Variants in SHISA9 observed in about 807,000 individuals in gnomAD.
SHISA9 encodes shisa family member 9, also known as protein shisa-9.
Under a neutral mutation model 38.0 loss-of-function variants are expected in SHISA9, and 13 were observed. The ratio of observed to expected loss-of-function variants is 0.34; its 90% confidence interval spans 0.22 to 0.54. The LOEUF (loss-of-function observed/expected upper bound fraction) is 0.54, where lower values mean the gene tolerates loss of function less well. Among genes scored for constraint, SHISA9 ranks in the 20% least tolerant of loss-of-function variants. The pLI is 0.91. For missense variants in SHISA9, 538 were observed against 575.8 expected (o/e 0.93, Z 0.67); for synonymous variants, 275 against 242.0 (o/e 1.14, Z -1.27).
At chr16:13,203,691 C>G (rs2051029712) in intron 3 of SHISA9, 142 bp downstream of exon 3, 1 of 904,622 alleles carries the variant, frequency 1.1e-6, no homozygotes, top group African/African-American at 1.7e-5. Context: ...TTCTCTGCCT[C>G]TATCTCATTT....
intron 2 of SHISA9, among the ~76,000 whole-genome samples, chr16:12,977,188 T>G (rs562761263): frequency 6.6e-6 from 1 of 152,222 alleles, no homozygotes; most frequent in South Asian, 2.1e-4. Context: ...GGAGGCTCGG[T>G]TGGGCTGGGT....
chr16:13,441,634 TA>T, the SHISA9 span, among the ~76,000 whole-genome samples: 2 of 152,216 alleles, frequency 1.3e-5, no homozygotes, highest in Admixed American at 1.3e-4. Flanking sequence ...GCATGTTTTC[TA>T]TAAGTGATTG....
chr16:13,539,300 T>G, the SHISA9 span, among the ~76,000 whole-genome samples: 1 of 75,170 alleles, frequency 1.3e-5, no homozygotes, highest in East Asian at 1.5e-3. Flanking sequence ...TGGCTAAATT[T>G]TACATATATA....
chr16:13,338,883 G>A, the SHISA9 span, among the ~76,000 whole-genome samples: 9 of 152,174 alleles, frequency 5.9e-5, no homozygotes, highest in South Asian at 6.2e-4. Context: ...TTAGATTTAC[G>A]TTAGACTTGG....
chr16:13,197,880 G>A (rs1010363707), intron 2 of SHISA9, among the ~76,000 whole-genome samples: 5 of 152,126 alleles, frequency 3.3e-5, no homozygotes, highest in Non-Finnish European at 7.4e-5. Flanking sequence ...TGCTATGACT[G>A]TGGAAAAGAA....
chr16:13,055,540 G>C (rs899277893), intron 2 of SHISA9, among the ~76,000 whole-genome samples: 6 of 152,088 alleles, frequency 3.9e-5, no homozygotes, highest in African/African-American at 1.4e-4. Context: ...AAAGTGTCTT[G>C]GCTCTCACAG....
At chr16:13,502,597 G>A in the SHISA9 span, among the ~76,000 whole-genome samples, 3 of 152,062 alleles carry the variant, frequency 2.0e-5, no homozygotes, top group African/African-American at 4.8e-5. Flanking sequence ...AAGACAGGCC[G>A]GGCGCGGTGG....
At chr16:13,393,670 TAA>T in the SHISA9 span, among the ~76,000 whole-genome samples, 1 of 152,048 alleles carries the variant, frequency 6.6e-6, no homozygotes, top group Non-Finnish European at 1.5e-5. Flanking sequence ...GAGAAGTTTA[TAA>T]AAGACTGTGT....
chr16:12,960,037 A>C (rs894989850), intron 2 of SHISA9, among the ~76,000 whole-genome samples: 8 of 152,216 alleles, frequency 5.3e-5, no homozygotes, highest in Non-Finnish European at 2.9e-5. Flanking sequence ...ATTTCCTTTG[A>C]AGAAATGCCT....
chr16:13,404,613 G>A, the SHISA9 span, among the ~76,000 whole-genome samples: 61 of 152,284 alleles, frequency 4.0e-4, 1 homozygote, highest in East Asian at 8.7e-3. Flanking sequence ...AAGCTGCAGA[G>A]ATGGGTAGGG....
intron 1 of SHISA9, among the ~76,000 whole-genome samples, chr16:12,903,650 G>A (rs941453302): frequency 6.6e-6 from 1 of 152,184 alleles, no homozygotes; most frequent in Non-Finnish European, 1.5e-5. Context: ...CCGGGCGGGC[G>A]GGGTGGAAGG....
At chr16:12,910,343 C>A in intron 1 of SHISA9, 1 of 346,520 alleles carries the variant, frequency 2.9e-6, no homozygotes, top group Non-Finnish European at 4.1e-6. Flanking sequence ...TAGGTATTTA[C>A]TGAACATCTA....
chr16:13,236,904 G>C lies in SHISA9; in HGVS notation c.*1495G>C, dbSNP rs552108217. Reference sequence around the variant, plus strand: ...CTCCCATCCAGAATGTCCTGAGGTTGTTTTTCTGGTTGGTTCTCATAATCC... The same window carrying C: ...CTCCCATCCAGAATGTCCTGAGGTTCTTTTTCTGGTTGGTTCTCATAATCC... On this transcript the variant is annotated 3_prime_UTR_variant, in exon 5 of 5. Transcript: ENST00000558583. The C allele has an allele frequency of 6.6e-6, 1 of 152,298 alleles. No individual in the cohort carries two copies. The highest frequency in any genetic ancestry group is 2.1e-4 in the South Asian group (1 of 4,824). 9.4% of individuals were successfully genotyped at this position (152,298 alleles called of 1,614,324 possible). A position where few individuals can be genotyped will look rare whatever the true frequency, so the allele number is the denominator to read the frequency against.
At chr16:12,908,457 A>G in intron 1 of SHISA9, 2 of 1,551,490 alleles carry the variant, frequency 1.3e-6, no homozygotes, top group South Asian at 1.2e-5. Context: ...GTTTAATTTC[A>G]TACCCTTCCC....
chr16:13,124,445 A>T (rs1220021388), intron 2 of SHISA9, among the ~76,000 whole-genome samples: 1 of 152,164 alleles, frequency 6.6e-6, no homozygotes, highest in African/African-American at 2.4e-5. Context: ...TTAGAGTATG[A>T]AGCATCTGGG....
At chr16:13,166,245 AT>A (rs1232574210) in intron 2 of SHISA9, among the ~76,000 whole-genome samples, 2 of 152,286 alleles carry the variant, frequency 1.3e-5, no homozygotes, top group Non-Finnish European at 2.9e-5. Context: ...AGTTTCTACA[AT>A]GATATGTTAT....
At position 13,208,443 on chromosome 16, in the gene SHISA9, C is replaced by CTT. The variant is rs71395107; in HGVS notation, c.848-4796_848-4795dup. ...TTTTCCTTTCTTTTTCTTTTTTTTT[C>CTT]TTTTTTTTTTTTTTTGAGACAGAGT... On this transcript the variant is annotated intron_variant, in intron 3 of 4. Transcript: ENST00000558583. Among the ~76,000 whole-genome samples the CTT allele has an allele frequency of 4.0e-3, 495 of 124,982 alleles. 9 individuals are homozygous for CTT. Among genetic ancestry groups the CTT allele is most frequent in the South Asian group, 6.9e-3 (27 of 3,938 alleles). The allele number at this position is 124,982 out of a possible 152,430, so 82.0% of individuals were successfully genotyped here. A position where few individuals can be genotyped will look rare whatever the true frequency, so the allele number is the denominator to read the frequency against.
intron 2 of SHISA9, among the ~76,000 whole-genome samples, chr16:13,099,693 G>A (rs540276987): frequency 6.6e-6 from 1 of 152,296 alleles, no homozygotes; most frequent in South Asian, 2.1e-4. Flanking sequence ...CGGGGTTGGT[G>A]GGGGCAGAAG....
intron 2 of SHISA9, among the ~76,000 whole-genome samples, chr16:13,134,016 T>C (rs2050326979): frequency 2.6e-5 from 4 of 152,246 alleles, no homozygotes; most frequent in Admixed American, 2.6e-4. Flanking sequence ...GAGCAGACTC[T>C]ACAATCATCT....
Sources: gnomAD v4.1 joint callset for allele counts (sites outside exome capture counted in the v4.1 genomes callset) on GRCh38, gnomAD v4.1.1 for gene constraint, MANE v1.5 for transcripts, NCBI Gene and HGNC (gene_info 2026-07-23, HGNC 2026-07-21) for gene names.